The following KCNH1 variants were observed in gnomAD, a reference collection of about 807,000 sequenced individuals.
KCNH1 encodes the protein potassium voltage-gated channel subfamily H member 1, also known as voltage-gated delayed rectifier potassium channel KCNH1.
A neutral mutation model predicts 69.2 loss-of-function variants in KCNH1; 27 were observed. The observed-to-expected ratio is 0.39, with a 90% CI of 0.29 to 0.54. The LOEUF (loss-of-function observed/expected upper bound fraction) is 0.54, where lower values mean the gene tolerates loss of function less well. Ranked by LOEUF, KCNH1 falls within the 20% of genes least tolerant of loss-of-function variation. The pLI is 0.68. For missense variants in KCNH1, 798 were observed against 1,261.6 expected, an observed-to-expected ratio of 0.63 and a Z score of 5.57; for synonymous variants, 456 against 487.7, an observed-to-expected ratio of 0.93 and a Z score of 0.86.
intron 10 of KCNH1, among the ~76,000 whole-genome samples, chr1:210,760,048 T>C (rs1182791539): frequency 6.6e-6 from 1 of 152,074 alleles, no homozygotes; most frequent in African/African-American, 2.4e-5. Context: ...GGAATCTAGG[T>C]TGCACACTCC....
intron 1 of KCNH1, among the ~76,000 whole-genome samples, chr1:211,109,147 A>T (rs1392419930): frequency 6.6e-6 from 1 of 152,210 alleles, no homozygotes; most frequent in Non-Finnish European, 1.5e-5. Context: ...TAGATATAGA[A>T]ATTAAAATAT....
intron 6 of KCNH1, among the ~76,000 whole-genome samples, chr1:210,982,052 A>T (rs1324964980): frequency 6.6e-6 from 1 of 151,980 alleles, no homozygotes; most frequent in East Asian, 1.9e-4. Context: ...AGAACTAGAA[A>T]ATTGGTCTGG....
intron 7 of KCNH1, among the ~76,000 whole-genome samples, chr1:210,847,351 C>T (rs1685580142): frequency 6.6e-6 from 1 of 152,124 alleles, no homozygotes; most frequent in South Asian, 2.1e-4. Context: ...CAACGATAGA[C>T]TGGATTAAGA....
At chr1:211,120,964 A>G (rs1446846834) in intron 1 of KCNH1, among the ~76,000 whole-genome samples, 1 of 152,146 alleles carries the variant, frequency 6.6e-6, no homozygotes, top group African/African-American at 2.4e-5. Context: ...ACCTAGGAAT[A>G]CAGCTAACAA....
At chr1:210,932,442 A>G (rs932128868) in intron 6 of KCNH1, among the ~76,000 whole-genome samples, 2 of 152,192 alleles carry the variant, frequency 1.3e-5, no homozygotes, top group African/African-American at 4.8e-5. Context: ...ACACTAAAAG[A>G]GGAAACAAAG....
chr1:210,770,214 G>A (rs1379605400), intron 10 of KCNH1, among the ~76,000 whole-genome samples: 1 of 152,016 alleles, frequency 6.6e-6, no homozygotes, highest in African/African-American at 2.4e-5. Context: ...GGTGTGGGGG[G>A]GTCAAGGGGA....
intron 5 of KCNH1, among the ~76,000 whole-genome samples, chr1:211,019,685 A>G (rs1161972406): frequency 6.6e-6 from 1 of 152,232 alleles, no homozygotes; most frequent in Admixed American, 6.5e-5. Flanking sequence ...GATTTCATCC[A>G]ACAGCTGCAG....
intron 5 of KCNH1, among the ~76,000 whole-genome samples, chr1:211,048,967 A>G (rs1413578142): frequency 6.6e-6 from 1 of 152,232 alleles, no homozygotes; most frequent in African/African-American, 2.4e-5. Context: ...CTCAAGGATC[A>G]GAGACCAAGA....
At chr1:210,786,501 C>T (rs183017743) in intron 9 of KCNH1, among the ~76,000 whole-genome samples, 29 of 152,240 alleles carry the variant, frequency 1.9e-4, no homozygotes, top group Admixed American at 7.2e-4. Flanking sequence ...TTCTGGAAAT[C>T]CATCTCGGGC....
In KCNH1 at chr1:210,684,406, C is replaced by T. The variant is rs576113740; in HGVS notation, c.2113-268G>A. Among the ~76,000 whole-genome samples, 4 of 152,272 alleles carry T rather than the reference C, an allele frequency of 2.6e-5. No homozygotes were observed. In the East Asian group the frequency reaches 5.8e-4, roughly 22 times the overall value. On this transcript the variant is annotated intron_variant, in intron 10 of 10. Transcript: ENST00000271751. ...CAAGAGGAACACATCCCATTTTTTCCCCTCTCCACATGCCAGGAGGCTGAA... is the reference window on the plus strand; with the variant it reads ...CAAGAGGAACACATCCCATTTTTTCTCCTCTCCACATGCCAGGAGGCTGAA...
chr1:210,876,017 T>G (rs1400285989), intron 7 of KCNH1, among the ~76,000 whole-genome samples: 3 of 152,118 alleles, frequency 2.0e-5, no homozygotes, highest in Non-Finnish European at 4.4e-5. Context: ...AAATAAATCA[T>G]TAACTATAAA....
At chr1:210,718,651 T>C (rs56268479) in intron 10 of KCNH1, among the ~76,000 whole-genome samples, 3,580 of 75,530 alleles carry the variant, frequency 0.047, 592 homozygotes, top group Middle Eastern at 0.071. Context: ...CATATATATA[T>C]ACACACACAC....
intron 6 of KCNH1, among the ~76,000 whole-genome samples, chr1:210,940,444 AG>A (rs1687856794): frequency 6.6e-6 from 1 of 152,236 alleles, no homozygotes; most frequent in African/African-American, 2.4e-5. Context: ...GACTACATTC[AG>A]GGGAAGGATG....
intron 7 of KCNH1, among the ~76,000 whole-genome samples, chr1:210,879,508 CATGATT>C (rs1467669354): frequency 6.6e-6 from 1 of 151,976 alleles, no homozygotes; most frequent in Non-Finnish European, 1.5e-5. Context: ...TGAAAAATCA[CATGATT>C]ATATCAATAG....
intron 10 of KCNH1, among the ~76,000 whole-genome samples, chr1:210,733,385 G>A (rs2149032543): frequency 6.6e-6 from 1 of 152,270 alleles, no homozygotes; most frequent in South Asian, 2.1e-4. Flanking sequence ...GCTTGTCTGG[G>A]CATGTGCAGA....
chr1:210,995,479 C>T (rs1689012455), intron 6 of KCNH1, among the ~76,000 whole-genome samples: 1 of 152,188 alleles, frequency 6.6e-6, no homozygotes, highest in African/African-American at 2.4e-5. Flanking sequence ...GCTTCCTAAA[C>T]TTACAGTACA....
intron 3 of KCNH1, among the ~76,000 whole-genome samples, chr1:211,098,521 C>T (rs1691200385): frequency 6.6e-6 from 1 of 152,084 alleles, no homozygotes; most frequent in Non-Finnish European, 1.5e-5. Flanking sequence ...AAGCCTTCTG[C>T]TAATTACTCT....
chr1:210,759,642 A>G (rs1309211427), intron 10 of KCNH1, among the ~76,000 whole-genome samples: 2 of 152,142 alleles, frequency 1.3e-5, no homozygotes, highest in African/African-American at 4.8e-5. Flanking sequence ...AGAAAAAAGA[A>G]TTTTAAAAAA....
chr1:210,918,166 T>C lies in KCNH1; in HGVS notation c.1462+1474A>G, dbSNP rs139559519. The stretch of plus-strand genomic sequence containing the variant: ...AGGTACCAAGCAGCAAATGTGACAA[T>C]TTGAGGTAACAAAATCCACTCACAA... On this transcript the variant is annotated intron_variant, in intron 7 of 10. Coordinates refer to ENST00000271751, the MANE Select transcript of KCNH1 (RefSeq NM_172362.3). Among the ~76,000 whole-genome samples, 213 of 152,262 alleles carry C rather than the reference T, an allele frequency of 1.4e-3. 1 individual carries two copies. The highest frequency in any genetic ancestry group is 5.0e-3 in the African/African-American group (207 of 41,538).
Sources: allele counts gnomAD v4.1 joint callset (sites outside exome capture counted in the v4.1 genomes callset), GRCh38; gene constraint gnomAD v4.1.1; transcripts MANE v1.5; gene names NCBI Gene and HGNC (gene_info 2026-07-23, HGNC 2026-07-21).